Variants in OR2L13 observed in about 807,000 individuals in gnomAD.
The protein encoded by OR2L13 is olfactory receptor family 2 subfamily L member 13, also known as olfactory receptor 2L13.
In OR2L13, 14 loss-of-function variants were observed where a neutral mutation model predicts 15.3. The ratio of observed to expected loss-of-function variants is 0.91; its 90% CI spans 0.60 to 1.43. The LOEUF is 1.43. Among genes scored for constraint, OR2L13 ranks in the 40% most tolerant of loss-of-function variants. The pLI, the probability that OR2L13 is intolerant of heterozygous loss-of-function variation, is 0.00. For missense variants in OR2L13, 367 were observed against 387.9 expected (o/e 0.95, Z 0.45); for synonymous variants, 152 against 142.9 (o/e 1.06, Z -0.45).
chr1:248,027,349 AT>A, the OR2L13 span, among the ~76,000 whole-genome samples: 1 of 152,084 alleles, frequency 6.6e-6, no homozygotes, highest in Admixed American at 6.6e-5. Flanking sequence ...AGCAATTTTA[AT>A]TTCGCCCCAG....
chr1:248,061,665 C>T, the OR2L13 span: 40 of 1,480,570 alleles, frequency 2.7e-5, no homozygotes, highest in Admixed American at 1.1e-4. Flanking sequence ...ACACATCCAT[C>T]CAGCAGTGTA....
the OR2L13 span, among the ~76,000 whole-genome samples, chr1:248,068,196 A>G: frequency 1.3e-5 from 2 of 152,170 alleles, no homozygotes; most frequent in East Asian, 3.9e-4. Flanking sequence ...CTGCCTCCTC[A>G]AGTGGGTCCC....
At chr1:248,055,298 G>A in the OR2L13 span, among the ~76,000 whole-genome samples, 1 of 152,184 alleles carries the variant, frequency 6.6e-6, no homozygotes, top group African/African-American at 2.4e-5. Flanking sequence ...TGACTTGATT[G>A]TGATGGAGAA....
At chr1:247,969,834 C>T in the OR2L13 span, among the ~76,000 whole-genome samples, 1 of 152,110 alleles carries the variant, frequency 6.6e-6, no homozygotes, top group African/African-American at 2.4e-5. Flanking sequence ...ATCCAGGGGG[C>T]CAGAGCCATG....
chr1:248,093,967 A>G (rs1452818751), upstream of OR2L13, among the ~76,000 whole-genome samples: 1 of 152,206 alleles, frequency 6.6e-6, no homozygotes, highest in Non-Finnish European at 1.5e-5. Flanking sequence ...GGGCTCAAAA[A>G]TACAGTTAGG....
At chr1:248,073,870 T>G in the OR2L13 span, among the ~76,000 whole-genome samples, 1 of 151,880 alleles carries the variant, frequency 6.6e-6, no homozygotes, top group South Asian at 2.1e-4. Flanking sequence ...ATATAAATAT[T>G]AACTCTATAA....
At chr1:248,061,583 C>A in the OR2L13 span, 1 of 1,613,226 alleles carries the variant, frequency 6.2e-7, no homozygotes, top group Admixed American at 1.7e-5. Flanking sequence ...GGGGCCCTGA[C>A]ACGAGTGAGT....
At chr1:247,990,439 T>C in the OR2L13 span, 2 of 1,583,544 alleles carry the variant, frequency 1.3e-6, no homozygotes, top group East Asian at 2.2e-5. Context: ...CACACACCCA[T>C]GTATTTCCTA....
At chr1:248,079,655 T>C in the OR2L13 span, among the ~76,000 whole-genome samples, 2 of 152,154 alleles carry the variant, frequency 1.3e-5, no homozygotes, top group African/African-American at 4.8e-5. Context: ...TTGCCCCACA[T>C]AGATACATAA....
At chr1:248,056,568 G>C in the OR2L13 span, among the ~76,000 whole-genome samples, 321 of 151,760 alleles carry the variant, frequency 2.1e-3, no homozygotes, top group African/African-American at 7.1e-3. Context: ...GCTTTCTTTG[G>C]TCTTAAAGAA....
chr1:248,032,597 A>G, the OR2L13 span, among the ~76,000 whole-genome samples: 1 of 152,180 alleles, frequency 6.6e-6, no homozygotes, highest in African/African-American at 2.4e-5. Context: ...CTGTACATAA[A>G]TTCATACAAT....
At chr1:248,052,400 T>C in the OR2L13 span, among the ~76,000 whole-genome samples, 3 of 152,182 alleles carry the variant, frequency 2.0e-5, no homozygotes, top group African/African-American at 7.2e-5. Context: ...TGCCACATTG[T>C]TTTGATTACT....
At chr1:248,057,553 G>T in the OR2L13 span, among the ~76,000 whole-genome samples, 1 of 152,046 alleles carries the variant, frequency 6.6e-6, no homozygotes, top group South Asian at 2.1e-4. Flanking sequence ...TGTGTCTCTT[G>T]AATACAGCAC....
At chr1:248,072,983 C>G in the OR2L13 span, among the ~76,000 whole-genome samples, 6 of 130,774 alleles carry the variant, frequency 4.6e-5, no homozygotes, top group Non-Finnish European at 1.0e-4. Context: ...ACGACAGGTG[C>G]TGGAGAGGAT....
chr1:248,002,552 T>A, the OR2L13 span, among the ~76,000 whole-genome samples: 1 of 152,184 alleles, frequency 6.6e-6, no homozygotes, highest in Non-Finnish European at 1.5e-5. Flanking sequence ...TGTCAAAATT[T>A]CTTCGCTTTT....
At chr1:248,098,362 GT>G (rs546268948) in intron 1 of OR2L13, among the ~76,000 whole-genome samples, 2 of 152,104 alleles carry the variant, frequency 1.3e-5, no homozygotes, top group African/African-American at 2.4e-5. Flanking sequence ...TGGTTTTCAT[GT>G]TTTTTTCTGA....
the OR2L13 span, among the ~76,000 whole-genome samples, chr1:248,018,690 A>T: frequency 6.6e-6 from 1 of 152,222 alleles, no homozygotes; most frequent in East Asian, 1.9e-4. Context: ...TTAAGTGTAC[A>T]GTTCTGTGGC....
chr1:247,940,674 A>G, the OR2L13 span, among the ~76,000 whole-genome samples: 1 of 152,064 alleles, frequency 6.6e-6, no homozygotes, highest in East Asian at 1.9e-4. Context: ...AGCAATGAAC[A>G]TATGAATGCA....
the OR2L13 span, among the ~76,000 whole-genome samples, chr1:248,088,261 T>TA: frequency 1.1e-3 from 160 of 147,542 alleles, 1 homozygote; most frequent in East Asian, 7.9e-3. Context: ...CTGCCTTTTA[T>TA]AAAAAAAAAA....
Sources: allele counts gnomAD v4.1 joint callset (sites outside exome capture counted in the v4.1 genomes callset), GRCh38; gene constraint gnomAD v4.1.1; transcripts MANE v1.5; gene names NCBI Gene and HGNC (gene_info 2026-07-23, HGNC 2026-07-21).